The following MYT1L variants were observed in gnomAD, a reference collection of about 807,000 sequenced individuals.
The protein encoded by MYT1L is myelin transcription factor 1 like.
A neutral mutation model predicts 126.7 loss-of-function variants in MYT1L; 12 were observed. The ratio of observed to expected loss-of-function variants is 0.09; its 90% confidence interval spans 0.06 to 0.15. The LOEUF is 0.15. Among genes scored for constraint, MYT1L ranks in the 10% least tolerant of loss-of-function variants. The probability of loss-of-function intolerance (pLI) is 1.00; values close to 1 mark genes in which losing one functional copy is unlikely to be tolerated. For missense variants in MYT1L, 979 were observed against 1,585.2 expected (o/e 0.62, Z 6.49); for synonymous variants, 541 against 604.2 (o/e 0.90, Z 1.53).
At chr2:2,213,011 C>T (rs1158710146) in intron 2 of MYT1L, among the ~76,000 whole-genome samples, 1 of 152,094 alleles carries the variant, frequency 6.6e-6, no homozygotes, top group Non-Finnish European at 1.5e-5. Context: ...GGACTTTATT[C>T]TCATCAACCA....
At chr2:2,206,499 T>C (rs1286615423) in intron 2 of MYT1L, among the ~76,000 whole-genome samples, 1 of 152,186 alleles carries the variant, frequency 6.6e-6, no homozygotes, top group Non-Finnish European at 1.5e-5. Flanking sequence ...CCCCACCTGG[T>C]CAATAAGCAA....
At chr2:1,819,785 C>A (rs2038240406) in intron 21 of MYT1L, among the ~76,000 whole-genome samples, 1 of 152,210 alleles carries the variant, frequency 6.6e-6, no homozygotes, top group Admixed American at 6.5e-5. Context: ...GAAGCCTGAG[C>A]AGCATGTCTT....
At chr2:1,830,001 C>T (rs933659639) in intron 21 of MYT1L, among the ~76,000 whole-genome samples, 5 of 152,164 alleles carry the variant, frequency 3.3e-5, no homozygotes, top group Non-Finnish European at 7.4e-5. Context: ...GTGTGTGCAG[C>T]GCCGAGCGAG....
intron 2 of MYT1L, among the ~76,000 whole-genome samples, chr2:2,217,245 G>A (rs775571690): frequency 6.6e-6 from 1 of 152,116 alleles, no homozygotes; most frequent in African/African-American, 2.4e-5. Flanking sequence ...AATGAACATA[G>A]ATGAAAAAAT....
chr2:2,088,751 CT>C, intron 3 of MYT1L, among the ~76,000 whole-genome samples: 1 of 152,260 alleles, frequency 6.6e-6, no homozygotes, highest in Middle Eastern at 3.4e-3. Context: ...CTGAATAATA[CT>C]TTTAAAGAAA....
chr2:2,180,318 G>A (rs1186233651), intron 2 of MYT1L, among the ~76,000 whole-genome samples: 16 of 150,422 alleles, frequency 1.1e-4, no homozygotes, highest in African/African-American at 3.2e-4. Flanking sequence ...CACATAATAT[G>A]TACTCTCAAA....
intron 2 of MYT1L, among the ~76,000 whole-genome samples, chr2:2,206,242 TGCTGGGATTATAG>T (rs916551152): frequency 3.3e-5 from 5 of 152,172 alleles, no homozygotes; most frequent in African/African-American, 1.2e-4. Context: ...CCTCCCAAAG[TGCTGGGATTATAG>T]GCACGAGCCA....
At chr2:2,067,492 A>T (rs936010991) in intron 3 of MYT1L, among the ~76,000 whole-genome samples, 1 of 152,214 alleles carries the variant, frequency 6.6e-6, no homozygotes, top group Non-Finnish European at 1.5e-5. Context: ...CTGTAACTCC[A>T]GGGCAGAAGG....
At chr2:1,948,201 T>C (rs1281931875) in intron 8 of MYT1L, among the ~76,000 whole-genome samples, 2 of 152,372 alleles carry the variant, frequency 1.3e-5, no homozygotes, top group East Asian at 3.9e-4. Flanking sequence ...TTGCAAGCTC[T>C]TGGATTCAGC....
chr2:1,836,289 A>G (rs1285499173), intron 21 of MYT1L, among the ~76,000 whole-genome samples: 1 of 149,076 alleles, frequency 6.7e-6, no homozygotes, highest in Non-Finnish European at 1.5e-5. Flanking sequence ...CCTGCCCCCA[A>G]TACTCCATCA....
intron 8 of MYT1L, among the ~76,000 whole-genome samples, chr2:1,946,006 G>A (rs143028940): frequency 0.018 from 2,805 of 152,210 alleles, 32 homozygotes; most frequent in African/African-American, 0.03. Context: ...AGGAGGGGGC[G>A]GCAGGCAAGC....
chr2:1,960,442 CA>C (rs1163298234), intron 8 of MYT1L, among the ~76,000 whole-genome samples: 1 of 152,160 alleles, frequency 6.6e-6, no homozygotes, highest in Admixed American at 6.5e-5. Flanking sequence ...CCAGTTTTTT[CA>C]AAATGTCAAG....
At chr2:2,315,110 A>G (rs1467737964) in intron 1 of MYT1L, among the ~76,000 whole-genome samples, 1 of 152,192 alleles carries the variant, frequency 6.6e-6, no homozygotes, top group Non-Finnish European at 1.5e-5. Flanking sequence ...GGGGAACTCC[A>G]GAGCACACAG....
chr2:1,957,920 C>T (rs139968412), intron 8 of MYT1L, among the ~76,000 whole-genome samples: 65 of 152,250 alleles, frequency 4.3e-4, no homozygotes, highest in African/African-American at 1.5e-3. Context: ...AGGTGAACGA[C>T]GAGCTGTTTT....
At chr2:1,873,894 G>A (rs893046467) in intron 18 of MYT1L, among the ~76,000 whole-genome samples, 2 of 152,196 alleles carry the variant, frequency 1.3e-5, no homozygotes, top group Admixed American at 6.5e-5. Flanking sequence ...TGATGGCTCA[G>A]TGTCTTCCAT....
chr2:1,951,402 A>G (rs2057740935), intron 8 of MYT1L, among the ~76,000 whole-genome samples: 1 of 152,124 alleles, frequency 6.6e-6, no homozygotes, highest in South Asian at 2.1e-4. Flanking sequence ...AGGCTGGCCC[A>G]GGAGACACAA....
At chr2:1,932,289 T>C (rs1463427509) in intron 9 of MYT1L, among the ~76,000 whole-genome samples, 1 of 152,058 alleles carries the variant, frequency 6.6e-6, no homozygotes, top group Non-Finnish European at 1.5e-5. Context: ...GATATGGAGG[T>C]GCCTAGATAC....
At chr2:2,229,584 G>T (rs973585195) in intron 2 of MYT1L, among the ~76,000 whole-genome samples, 6 of 150,642 alleles carry the variant, frequency 4.0e-5, no homozygotes, top group Non-Finnish European at 8.8e-5. Context: ...TGGGAACACA[G>T]GTGGAGATTT....
At chr2:2,113,513 C>T (rs567088077) in intron 3 of MYT1L, among the ~76,000 whole-genome samples, 2 of 152,278 alleles carry the variant, frequency 1.3e-5, no homozygotes, top group African/African-American at 4.8e-5. Flanking sequence ...GGGATTTCCA[C>T]GTGGAAATGT....
Sources: allele counts gnomAD v4.1 joint callset (sites outside exome capture counted in the v4.1 genomes callset), GRCh38; gene constraint gnomAD v4.1.1; transcripts MANE v1.5; gene names NCBI Gene and HGNC (gene_info 2026-07-23, HGNC 2026-07-21).